Variants in NEK10 observed in about 807,000 individuals in gnomAD.
The protein encoded by NEK10 is NIMA related kinase 10.
A neutral mutation model predicts 159.8 loss-of-function variants in NEK10; 122 were observed. The observed-to-expected ratio is 0.76, with a 90% confidence interval of 0.66 to 0.89. NEK10 has a LOEUF of 0.89. Ranked by LOEUF, NEK10 falls within the 40% of genes least tolerant of loss-of-function variation. The pLI is 0.00. For synonymous variants in NEK10, 466 were observed against 457.1 expected (o/e 1.02, Z -0.25); for missense variants, 1,342 against 1,323.1 (o/e 1.01, Z -0.22).
chr3:27,154,870 C>G (rs1276773527), intron 30 of NEK10, among the ~76,000 whole-genome samples: 2 of 152,158 alleles, frequency 1.3e-5, no homozygotes, highest in Non-Finnish European at 2.9e-5. Flanking sequence ...TGAAAGCATT[C>G]TCTCTGAGAA....
chr3:27,219,973 A>C lies in NEK10; in HGVS notation c.2091-17416T>G, dbSNP rs145668759. ...ATTAAGAAAACAATTTATTTACAAT[A>C]GCTTCAAAAAAACCCAAAACTTAGG... On this transcript the variant is annotated intron_variant, in intron 23 of 35. Transcript: ENST00000691995. Among the ~76,000 whole-genome samples, 11 of 152,360 alleles carry C rather than the reference A, an allele frequency of 7.2e-5. No individual in the cohort carries two copies. The East Asian group carries it at 1.9e-3, about 27-fold the overall frequency.
chr3:27,334,823 A>T (rs1037871488), intron 5 of NEK10, among the ~76,000 whole-genome samples: 2 of 152,234 alleles, frequency 1.3e-5, no homozygotes, highest in African/African-American at 2.4e-5. Flanking sequence ...AACACAGGAA[A>T]CATGAAAAAG....
chr3:27,278,637 C>T, intron 22 of NEK10: 1 of 895,444 alleles, frequency 1.1e-6, no homozygotes, highest in Non-Finnish European at 1.3e-6. Context: ...GTACTAAAGT[C>T]CATGCCTGAA....
At chr3:27,183,693 C>T (rs73821920) in intron 26 of NEK10, among the ~76,000 whole-genome samples, 2,799 of 152,080 alleles carry the variant, frequency 0.018, 76 homozygotes, top group African/African-American at 0.064. Flanking sequence ...TGACAATAGG[C>T]TCATTATCTG....
chr3:27,131,142 A>G (rs1027332426), intron 32 of NEK10, among the ~76,000 whole-genome samples: 4 of 152,218 alleles, frequency 2.6e-5, no homozygotes, highest in African/African-American at 9.6e-5. Context: ...TATGCTACCC[A>G]TTTAAAAATA....
chr3:27,343,724 T>C (rs1344697520), intron 5 of NEK10, among the ~76,000 whole-genome samples: 1 of 152,160 alleles, frequency 6.6e-6, no homozygotes, highest in East Asian at 1.9e-4. Flanking sequence ...CTGATATTTG[T>C]GAGAGAGAAT....
chr3:27,283,254 C>T (rs969217109), intron 22 of NEK10, among the ~76,000 whole-genome samples: 3 of 152,054 alleles, frequency 2.0e-5, no homozygotes, highest in African/African-American at 7.2e-5. Context: ...CATATGACAT[C>T]AATGATGTCT....
chr3:27,236,743 CA>C (rs1169991894), intron 23 of NEK10, among the ~76,000 whole-genome samples: 1 of 152,076 alleles, frequency 6.6e-6, no homozygotes, highest in Non-Finnish European at 1.5e-5. Flanking sequence ...GATGACAAGG[CA>C]AAGGGCAAAG....
chr3:27,310,812 G>A, intron 9 of NEK10, 137 bp downstream of exon 9: 1 of 525,420 alleles, frequency 1.9e-6, no homozygotes, highest in Non-Finnish European at 3.4e-6. Context: ...GGTTGACAAA[G>A]ATCCACAATC....
rs2043302002 is a variant in NEK10, at chr3:27,295,664, T to C, written c.1257A>G (p.Lys419=). The change falls in exon 15 of 36, where the codon AAA becomes AAG. Residue 419 remains lysine, a synonymous_variant. Transcript: ENST00000691995. ...VQENGVYTIA[K]LILPNKQKNA... is the part of the protein sequence containing the mutation. Reference sequence around the variant, plus strand: ...TCTTTTGCTTATTTGGTAAAATTAATTTTGCTATTGTATATACACCATTTT... The same window carrying C: ...TCTTTTGCTTATTTGGTAAAATTAACTTTGCTATTGTATATACACCATTTT... 1 of 1,567,464 alleles carries C rather than the reference T, an allele frequency of 6.4e-7. No individual in the cohort carries two copies. Among genetic ancestry groups the C allele is most frequent in the East Asian group, 2.3e-5 (1 of 43,580 alleles).
chr3:27,285,861 G>C (rs79811789), intron 20 of NEK10, among the ~76,000 whole-genome samples: 6,991 of 151,940 alleles, frequency 0.046, 283 homozygotes, highest in African/African-American at 0.11. Context: ...CTGGTTGTAT[G>C]GTATTGCACA....
At chr3:27,161,044 A>C (rs1259020520) in intron 30 of NEK10, among the ~76,000 whole-genome samples, 1 of 152,230 alleles carries the variant, frequency 6.6e-6, no homozygotes, top group Non-Finnish European at 1.5e-5. Context: ...TAATGTAAAT[A>C]GTTTGTTTAA....
At chr3:27,267,672 T>G (rs2041015403) in intron 22 of NEK10, among the ~76,000 whole-genome samples, 1 of 152,216 alleles carries the variant, frequency 6.6e-6, no homozygotes. Context: ...CTACATTGAC[T>G]GGCTGTTCCC....
At position 27,310,745 on chromosome 3, in the gene NEK10, A is replaced by G. The variant is rs994092245; in HGVS notation, c.636+204T>C. 1.7e-5 allele frequency: 7 copies of G among 407,066 alleles called. No homozygotes were observed. In the South Asian group the frequency reaches 2.7e-4, roughly 16 times the overall value. The allele number at this position is 407,066 out of a possible 1,614,324, so 25.2% of individuals were successfully genotyped here. On this transcript the variant is annotated intron_variant, in intron 9 of 35. Transcript: ENST00000691995. ...AGGAAAAAAAAGAAAAGAGTTCCAG[A>G]AAACTTGTATTTATTATATCTCTAT...
In NEK10 at chr3:27,109,272, G is replaced by C. The variant is rs1309296510; in HGVS notation, c.*2000C>G. Among the ~76,000 whole-genome samples the C allele has an allele frequency of 6.6e-6, 1 of 151,870 alleles. No homozygotes were observed. Among genetic ancestry groups the C allele is most frequent in the African/African-American group, 2.4e-5 (1 of 41,318 alleles). On this transcript the variant is annotated 3_prime_UTR_variant, in exon 36 of 36. Transcript: ENST00000691995. ...CACATGCCTGTAATCCCAGTTACTC[G>C]GGAGGCTGAGGCAGGAGAATTGCTT...
chr3:27,264,547 C>A (rs1353013248), intron 22 of NEK10, among the ~76,000 whole-genome samples: 4 of 152,136 alleles, frequency 2.6e-5, no homozygotes, highest in African/African-American at 9.7e-5. Flanking sequence ...TGCAATATAT[C>A]CATGTAACAA....
intron 23 of NEK10, among the ~76,000 whole-genome samples, chr3:27,236,736 GACAAGGCAAAGGGCAAAGCAAAGATC>G (rs1411708292): frequency 1.3e-5 from 2 of 152,104 alleles, no homozygotes; most frequent in Admixed American, 6.6e-5. Context: ...CAATAAAGAT[GACAAGGCAAAGGGCAAAGCAAAGATC>G]ACAAGGCAAA....
chr3:27,364,052 T>A (rs114017072), intron 1 of NEK10, among the ~76,000 whole-genome samples: 1 of 152,140 alleles, frequency 6.6e-6, no homozygotes, highest in Non-Finnish European at 1.5e-5. Context: ...TAGATAAATA[T>A]GTTACTGTTA....
In NEK10 at chr3:27,344,340, G is replaced by A. The variant is rs760184303; in HGVS notation, c.294C>T (p.Ser98=). 6.6e-5 allele frequency: 105 copies of A among 1,592,096 alleles called. No homozygotes were observed. Among genetic ancestry groups the A allele is most frequent in the Non-Finnish European group, 8.2e-5 (96 of 1,164,332 alleles). ...SINYKNERNF[S]KHPQRKLFQE... is the part of the protein sequence containing the mutation. ...GAAATAGTTTACGCTGAGGATGTTT[G>A]CTGAAATTTCTCTCATTCTTGTAGT... The change falls in exon 5 of 36, where the codon AGC becomes AGT. Residue 98 remains serine, a synonymous_variant. Transcript: ENST00000691995.
Sources: gnomAD v4.1 joint callset for allele counts (sites outside exome capture counted in the v4.1 genomes callset) on GRCh38, gnomAD v4.1.1 for gene constraint, MANE v1.5 for transcripts, NCBI Gene and HGNC (gene_info 2026-07-23, HGNC 2026-07-21) for gene names.